Variants in LUZP2 observed in about 807,000 individuals in gnomAD.
LUZP2 encodes the protein leucine zipper protein 2.
In LUZP2, 52 loss-of-function variants were observed where a neutral mutation model predicts 51.6. The ratio of observed to expected loss-of-function variants is 1.01; its 90% CI spans 0.81 to 1.27. The LOEUF (loss-of-function observed/expected upper bound fraction) is 1.27, where lower values mean the gene tolerates loss of function less well. Among genes scored for constraint, LUZP2 ranks in the 50% most tolerant of loss-of-function variants. The pLI is 0.00. For missense variants in LUZP2, 436 were observed against 395.4 expected (o/e 1.10, Z -0.87); for synonymous variants, 154 against 137.3 (o/e 1.12, Z -0.85).
At chr11:24,616,246 G>A (rs1590246055) in intron 1 of LUZP2, among the ~76,000 whole-genome samples, 1 of 151,728 alleles carries the variant, frequency 6.6e-6, no homozygotes, top group African/African-American at 2.4e-5. Flanking sequence ...ATGGATAATA[G>A]TTTTGATGCC....
intron 2 of LUZP2, 66 bp from the exon 3 acceptor site, chr11:24,732,052 C>A: frequency 7.9e-7 from 1 of 1,261,034 alleles, no homozygotes; most frequent in Non-Finnish European, 1.1e-6. Flanking sequence ...TACTCTAGAA[C>A]CAAAGTTAAA....
intron 4 of LUZP2, among the ~76,000 whole-genome samples, chr11:24,759,759 G>C (rs988619358): frequency 2.6e-5 from 4 of 152,118 alleles, no homozygotes; most frequent in African/African-American, 9.7e-5. Context: ...TTTTTTGGGG[G>C]ATGCACTGTT....
At position 24,635,330 on chromosome 11, in the gene LUZP2, A is replaced by G. The variant is rs374423554; in HGVS notation, c.63-93839A>G. On this transcript the variant is annotated intron_variant, in intron 1 of 11. Transcript: ENST00000336930. ...AAACACTTGATCTTATCTTGACATT[A>G]AAATGATAAAAATAATTGGCATTAA... Among the ~76,000 whole-genome samples the G allele has an allele frequency of 8.5e-5, 13 of 152,280 alleles. No individual in the cohort carries two copies. In the East Asian group the frequency reaches 1.2e-3, roughly 14 times the overall value.
chr11:24,772,635 G>A (rs1480690470), intron 5 of LUZP2, among the ~76,000 whole-genome samples: 1 of 152,066 alleles, frequency 6.6e-6, no homozygotes, highest in Non-Finnish European at 1.5e-5. Flanking sequence ...AAGGTTCTAA[G>A]GCTACTGTTA....
In LUZP2 at chr11:24,763,119, T is replaced by G. The variant is rs1860041962; in HGVS notation, c.334-127T>G. ...TGAAGGTTTTGATTAAGGAACAGTG[T>G]AATTCTTTGTTCTTTTTCAATATTT... is the stretch of plus-strand genomic sequence containing the variant. On this transcript the variant is annotated intron_variant, in intron 4 of 11. Transcript: ENST00000336930. 3 of 542,260 alleles carry G rather than the reference T, an allele frequency of 5.5e-6. No individual in the cohort carries two copies. In the East Asian group the frequency reaches 1.2e-4, roughly 21 times the overall value. The allele number at this position is 542,260 out of a possible 1,614,324, so 33.6% of individuals were successfully genotyped here.
At chr11:24,531,059 T>TATTATTATTATTATTATTATTATTATC (rs1850978599) in intron 1 of LUZP2, among the ~76,000 whole-genome samples, 1 of 146,532 alleles carries the variant, frequency 6.8e-6, no homozygotes, top group African/African-American at 2.6e-5. Context: ...TTATTATTAT[T>TATTATTATTATTATTATTATTATTATC]ATTATTTTGC....
At chr11:24,836,216 A>C (rs987412448) in intron 5 of LUZP2, among the ~76,000 whole-genome samples, 1 of 151,936 alleles carries the variant, frequency 6.6e-6, no homozygotes, top group East Asian at 1.9e-4. Context: ...AAGTGAGAAA[A>C]ATTCATACAT....
At chr11:25,042,391 G>C (rs953380896) in intron 9 of LUZP2, among the ~76,000 whole-genome samples, 2 of 151,940 alleles carry the variant, frequency 1.3e-5, no homozygotes, top group African/African-American at 4.8e-5. Flanking sequence ...AAAGATGTAG[G>C]CTTCAAACTT....
At chr11:24,834,007 A>G (rs775212305) in intron 5 of LUZP2, among the ~76,000 whole-genome samples, 2 of 152,190 alleles carry the variant, frequency 1.3e-5, no homozygotes, top group African/African-American at 2.4e-5. Flanking sequence ...ATAGTTCTTA[A>G]AAGTGCCACC....
At chr11:24,500,388 ATG>A (rs1016475224) in intron 1 of LUZP2, among the ~76,000 whole-genome samples, 60 of 152,310 alleles carry the variant, frequency 3.9e-4, no homozygotes, top group African/African-American at 1.4e-3. Flanking sequence ...ACACAAATAA[ATG>A]TGATCAAAGA....
intron 1 of LUZP2, among the ~76,000 whole-genome samples, chr11:24,614,313 C>T (rs988925220): frequency 1.3e-5 from 2 of 151,958 alleles, no homozygotes; most frequent in African/African-American, 4.8e-5. Context: ...TGCTCTCTCT[C>T]CTACTATGAT....
chr11:24,963,364 A>G (rs1281706366), intron 7 of LUZP2, among the ~76,000 whole-genome samples: 5 of 152,176 alleles, frequency 3.3e-5, no homozygotes, highest in Non-Finnish European at 7.3e-5. Context: ...CCCTGCCCCC[A>G]GAGGTGGAGC....
At chr11:24,544,532 A>G (rs73431111) in intron 1 of LUZP2, among the ~76,000 whole-genome samples, 2 of 152,090 alleles carry the variant, frequency 1.3e-5, no homozygotes, top group African/African-American at 2.4e-5. Flanking sequence ...AAGTAAGAAT[A>G]TGTGGAATTT....
At chr11:24,910,218 G>A (rs1390387042) in intron 6 of LUZP2, among the ~76,000 whole-genome samples, 1 of 152,036 alleles carries the variant, frequency 6.6e-6, no homozygotes, top group Non-Finnish European at 1.5e-5. Context: ...GAGCATGAAA[G>A]TTTGGAAAAT....
At chr11:24,910,870 G>A (rs1175288065) in intron 6 of LUZP2, among the ~76,000 whole-genome samples, 1 of 152,072 alleles carries the variant, frequency 6.6e-6, no homozygotes, top group African/African-American at 2.4e-5. Context: ...AACTTGCACC[G>A]TGCACCTGGA....
chr11:24,939,486 C>T (rs1854683653), intron 7 of LUZP2, among the ~76,000 whole-genome samples: 1 of 151,486 alleles, frequency 6.6e-6, no homozygotes, highest in Admixed American at 6.6e-5. Flanking sequence ...GGAAGACTGA[C>T]TTGTATTAGA....
At chr11:24,996,579 T>G (rs1312023601) in intron 9 of LUZP2, among the ~76,000 whole-genome samples, 3 of 5,830 alleles carry the variant, frequency 5.1e-4, no homozygotes, top group Admixed American at 0.023. Flanking sequence ...CTTTTTTTAT[T>G]TTATTTTATT....
intron 5 of LUZP2, among the ~76,000 whole-genome samples, chr11:24,829,669 G>C (rs1467084887): frequency 6.6e-6 from 1 of 152,124 alleles, no homozygotes; most frequent in Non-Finnish European, 1.5e-5. Context: ...ATAAACTGTT[G>C]ATAAATTGCA....
chr11:24,945,891 G>C (rs1159272329), intron 7 of LUZP2, among the ~76,000 whole-genome samples: 1 of 152,002 alleles, frequency 6.6e-6, no homozygotes, highest in African/African-American at 2.4e-5. Flanking sequence ...ACAGGCTTGT[G>C]CAACCATCAC....
Sources: allele counts gnomAD v4.1 joint callset (sites outside exome capture counted in the v4.1 genomes callset), GRCh38; gene constraint gnomAD v4.1.1; transcripts MANE v1.5; gene names NCBI Gene and HGNC (gene_info 2026-07-23, HGNC 2026-07-21).